The following KCNIP4 variants were observed in gnomAD, a reference collection of about 807,000 sequenced individuals.
KCNIP4 encodes the protein potassium voltage-gated channel interacting protein 4.
A neutral mutation model predicts 34.0 loss-of-function variants in KCNIP4; 12 were observed. The observed-to-expected ratio is 0.35, with a 90% confidence interval of 0.23 to 0.57. The LOEUF (loss-of-function observed/expected upper bound fraction) is 0.57, where lower values mean the gene tolerates loss of function less well. Ranked by LOEUF, KCNIP4 falls within the 20% of genes least tolerant of loss-of-function variation. The pLI is 0.83. For missense variants in KCNIP4, 238 were observed against 311.7 expected (o/e 0.76, Z 1.78); for synonymous variants, 124 against 102.2 (o/e 1.21, Z -1.29).
chr4:21,730,873 G>C (rs1367790839), intron 1 of KCNIP4, among the ~76,000 whole-genome samples: 2 of 152,112 alleles, frequency 1.3e-5, no homozygotes, highest in Admixed American at 6.6e-5. Flanking sequence ...AGCACTTCGG[G>C]AGGCCAAGGC....
chr4:20,913,575 C>G (rs1728536305), intron 1 of KCNIP4, among the ~76,000 whole-genome samples: 1 of 152,088 alleles, frequency 6.6e-6, no homozygotes, highest in South Asian at 2.1e-4. Context: ...TTCAGCTTAT[C>G]TATTAGGTTC....
chr4:21,836,227 A>G (rs957850254), intron 1 of KCNIP4, among the ~76,000 whole-genome samples: 2 of 152,190 alleles, frequency 1.3e-5, no homozygotes, highest in Non-Finnish European at 2.9e-5. Flanking sequence ...AATTTTTTTA[A>G]ATTACAAAGA....
At chr4:20,980,791 A>T (rs1390664369) in intron 1 of KCNIP4, among the ~76,000 whole-genome samples, 2 of 149,936 alleles carry the variant, frequency 1.3e-5, no homozygotes, top group Non-Finnish European at 3.0e-5. Context: ...GGGCCTTTTC[A>T]CCTTCACTTC....
chr4:21,519,779 GTGTGTA>G lies in KCNIP4; in HGVS notation c.61+428786_61+428791del, dbSNP rs1279858134. Among the ~76,000 whole-genome samples the G allele has an allele frequency of 5.1e-5, 7 of 138,164 alleles. No homozygotes were observed. The East Asian group carries it at 1.2e-3, about 23-fold the overall frequency. The allele number at this position is 138,164 out of a possible 152,430, so 90.6% of individuals were successfully genotyped here. On this transcript the variant is annotated intron_variant, in intron 1 of 8. Coordinates refer to ENST00000382152, the MANE Select transcript of KCNIP4 (RefSeq NM_025221.6). ...TGTATGTATGTGTGTATACACACGT[GTGTGTA>G]TGTGTGTGTATACACGTGTGTGTAT...
At chr4:21,740,250 AT>A (rs1254010259) in intron 1 of KCNIP4, among the ~76,000 whole-genome samples, 2 of 152,156 alleles carry the variant, frequency 1.3e-5, no homozygotes, top group African/African-American at 4.8e-5. Context: ...ATATTTATAT[AT>A]GCACAGTAAA....
chr4:21,336,237 C>G (rs1181098731), intron 1 of KCNIP4, among the ~76,000 whole-genome samples: 1 of 151,890 alleles, frequency 6.6e-6, no homozygotes, highest in Non-Finnish European at 1.5e-5. Flanking sequence ...TATCCTATTT[C>G]CTATTGATAT....
At chr4:21,496,588 C>G (rs1335682750) in intron 1 of KCNIP4, among the ~76,000 whole-genome samples, 2 of 152,196 alleles carry the variant, frequency 1.3e-5, no homozygotes, top group Non-Finnish European at 2.9e-5. Context: ...TCGTTTCTCT[C>G]CCATAATATT....
intron 1 of KCNIP4, among the ~76,000 whole-genome samples, chr4:21,355,788 C>T (rs1314629853): frequency 2.6e-5 from 4 of 152,114 alleles, no homozygotes; most frequent in Non-Finnish European, 5.9e-5. Flanking sequence ...AGAAATCTTC[C>T]CTAACTCATT....
chr4:21,056,415 T>G (rs1743406396), intron 1 of KCNIP4, among the ~76,000 whole-genome samples: 1 of 152,186 alleles, frequency 6.6e-6, no homozygotes, highest in Admixed American at 6.5e-5. Flanking sequence ...TCTAGGACCA[T>G]GAAACATATA....
In KCNIP4 at chr4:21,528,709, A is replaced by G. The variant is rs1257217786; in HGVS notation, c.61+419862T>C. 7.5e-3 allele frequency among the ~76,000 whole-genome samples: 2 copies of G among 268 alleles called. 1 individual carries two copies. The highest frequency in any genetic ancestry group is 0.032 in the African/African-American group (2 of 62). 0.2% of individuals were successfully genotyped at this position (268 alleles called of 152,430 possible). On this transcript the variant is annotated intron_variant, in intron 1 of 8. Transcript: ENST00000382152. Reference sequence around the variant, plus strand: ...AAAGAAAGAAAGAAAGAAAGAAAGAAAGAAAGAAAGAAAGAAAGAAAGAAA... The same window carrying G: ...AAAGAAAGAAAGAAAGAAAGAAAGAGAGAAAGAAAGAAAGAAAGAAAGAAA...
At chr4:21,616,711 C>T (rs1022144779) in intron 1 of KCNIP4, among the ~76,000 whole-genome samples, 2 of 152,050 alleles carry the variant, frequency 1.3e-5, no homozygotes, top group Non-Finnish European at 2.9e-5. Context: ...CTCTGGGCCT[C>T]CATAGTCACA....
chr4:21,881,538 C>G (rs1239857806), intron 1 of KCNIP4, among the ~76,000 whole-genome samples: 1 of 151,912 alleles, frequency 6.6e-6, no homozygotes, highest in East Asian at 1.9e-4. Flanking sequence ...GGCTTTTGAC[C>G]TGATCTAATG....
At chr4:21,571,012 C>G (rs947671555) in intron 1 of KCNIP4, among the ~76,000 whole-genome samples, 1 of 152,148 alleles carries the variant, frequency 6.6e-6, no homozygotes, top group Non-Finnish European at 1.5e-5. Context: ...TTACATGCTT[C>G]TCCGTTTGAG....
chr4:21,597,020 G>GGGT (rs1034935336), intron 1 of KCNIP4, among the ~76,000 whole-genome samples: 1 of 152,008 alleles, frequency 6.6e-6, no homozygotes, highest in African/African-American at 2.4e-5. Context: ...AACATCATGG[G>GGGT]GGTGGTGGTG....
chr4:21,510,593 T>C (rs540891541), intron 1 of KCNIP4, among the ~76,000 whole-genome samples: 19 of 152,322 alleles, frequency 1.2e-4, no homozygotes, highest in African/African-American at 4.3e-4. Context: ...AATTCTGCCA[T>C]TTACTGGTTG....
intron 1 of KCNIP4, among the ~76,000 whole-genome samples, chr4:21,569,727 G>C (rs926829511): frequency 1.4e-4 from 21 of 152,114 alleles, no homozygotes; most frequent in Admixed American, 9.8e-4. Context: ...GAAGCTTCTG[G>C]GGATGTTGAT....
At chr4:21,672,178 T>C (rs952650247) in intron 1 of KCNIP4, among the ~76,000 whole-genome samples, 2 of 152,122 alleles carry the variant, frequency 1.3e-5, no homozygotes, top group Non-Finnish European at 2.9e-5. Context: ...AAACAACTAA[T>C]GTAGATGATG....
chr4:21,141,280 A>G (rs1172455435), intron 1 of KCNIP4, among the ~76,000 whole-genome samples: 1 of 152,136 alleles, frequency 6.6e-6, no homozygotes, highest in Non-Finnish European at 1.5e-5. Context: ...CAAATCTTCA[A>G]TTGGTAAAAT....
chr4:21,850,484 C>A (rs1388354393), intron 1 of KCNIP4: 1 of 152,062 alleles, frequency 6.6e-6, no homozygotes, highest in Non-Finnish European at 1.5e-5. Flanking sequence ...CTAACATGCT[C>A]AGCCCCTCAC....
Sources: allele counts gnomAD v4.1 joint callset (sites outside exome capture counted in the v4.1 genomes callset), GRCh38; gene constraint gnomAD v4.1.1; transcripts MANE v1.5; gene names NCBI Gene and HGNC (gene_info 2026-07-23, HGNC 2026-07-21).